GRID1: variants seen among roughly 807,000 people sequenced by gnomAD.
The protein encoded by GRID1 is glutamate ionotropic receptor delta type subunit 1.
A neutral mutation model predicts 98.0 loss-of-function variants in GRID1; 28 were observed. That is an observed-to-expected ratio of 0.29 (90% CI 0.21 to 0.39). GRID1 has a LOEUF of 0.39. GRID1 is among the 10% of genes least tolerant of loss of function. GRID1 has a pLI of 1.00. For missense variants in GRID1, 1,111 were observed against 1,340.5 expected (o/e 0.83, Z 2.67); for synonymous variants, 553 against 538.5 (o/e 1.03, Z -0.37).
chr10:86,105,170 A>G (rs1222721023), intron 4 of GRID1, among the ~76,000 whole-genome samples: 1 of 152,200 alleles, frequency 6.6e-6, no homozygotes, highest in Admixed American at 6.5e-5. Context: ...TTAACGAGCC[A>G]TGTTTTCTCA....
intron 12 of GRID1, among the ~76,000 whole-genome samples, chr10:85,668,069 T>C (rs964566277): frequency 2.6e-5 from 4 of 152,184 alleles, no homozygotes; most frequent in Admixed American, 6.5e-5. Context: ...TGGCTGTTGT[T>C]ATTATGAGAT....
At chr10:85,688,224 C>A (rs1841290778) in intron 12 of GRID1, among the ~76,000 whole-genome samples, 1 of 152,206 alleles carries the variant, frequency 6.6e-6, no homozygotes, top group Non-Finnish European at 1.5e-5. Flanking sequence ...TGAAGGCAGG[C>A]AAGGCTGTCA....
chr10:86,018,872 A>C (rs1843013118), intron 4 of GRID1, among the ~76,000 whole-genome samples: 1 of 152,166 alleles, frequency 6.6e-6, no homozygotes, highest in Non-Finnish European at 1.5e-5. Context: ...TTTTCTCATG[A>C]TGCAACCAAA....
At chr10:86,088,947 C>A (rs774880256) in intron 4 of GRID1, among the ~76,000 whole-genome samples, 1 of 151,914 alleles carries the variant, frequency 6.6e-6, no homozygotes, top group Non-Finnish European at 1.5e-5. Flanking sequence ...AGCCAAAGGT[C>A]CAGGAAAGGG....
rs529332202 is a variant in GRID1, at chr10:85,720,577, C to A, written c.1997+2426G>T. ...AAGCAATTCCATGGAGGACGGATAGCCTTTTCAACAAATAGTATTAAAGCT... is the reference window on the plus strand; with the variant it reads ...AAGCAATTCCATGGAGGACGGATAGACTTTTCAACAAATAGTATTAAAGCT... On this transcript the variant is annotated intron_variant, in intron 12 of 15. Coordinates refer to ENST00000327946, the MANE Select transcript of GRID1 (RefSeq NM_017551.3). Among the ~76,000 whole-genome samples, 3 of 150,370 alleles carry A rather than the reference C, an allele frequency of 2.0e-5. No individual in the cohort carries two copies. In the Middle Eastern group the frequency reaches 0.01, roughly 515 times the overall value.
chr10:85,760,956 G>A (rs1842141960), intron 8 of GRID1, among the ~76,000 whole-genome samples: 1 of 152,158 alleles, frequency 6.6e-6, no homozygotes, highest in Admixed American at 6.5e-5. Flanking sequence ...TCACACCCAT[G>A]AGCTGTGGCT....
chr10:85,908,698 C>T (rs1841495311), intron 5 of GRID1, among the ~76,000 whole-genome samples: 1 of 151,994 alleles, frequency 6.6e-6, no homozygotes, highest in African/African-American at 2.4e-5. Flanking sequence ...TAAATGTATA[C>T]AAAAATTTCA....
intron 15 of GRID1, chr10:85,612,993 A>C: frequency 6.0e-6 from 1 of 166,294 alleles, no homozygotes; most frequent in Non-Finnish European, 1.3e-5. Context: ...CTGGGAGAGC[A>C]GCGCCCTGTG....
intron 12 of GRID1, among the ~76,000 whole-genome samples, chr10:85,669,492 A>G (rs1841061300): frequency 6.6e-6 from 1 of 152,224 alleles, no homozygotes; most frequent in African/African-American, 2.4e-5. Flanking sequence ...AAATACGTCT[A>G]CAGAGAGTGG....
chr10:85,628,091 C>G (rs149337764), intron 13 of GRID1, among the ~76,000 whole-genome samples: 1 of 150,866 alleles, frequency 6.6e-6, no homozygotes, highest in Non-Finnish European at 1.5e-5. Flanking sequence ...ATAGATGTGT[C>G]CATGTGGATG....
chr10:86,222,910 C>A (rs544588309), intron 2 of GRID1, among the ~76,000 whole-genome samples: 1 of 152,262 alleles, frequency 6.6e-6, no homozygotes, highest in East Asian at 1.9e-4. Context: ...CAAAACAGCA[C>A]CGTCACCCCC....
rs17105905 is a variant in GRID1 at position 85,850,585 on chromosome 10, A to T, written c.1233+3911T>A. On this transcript the variant is annotated intron_variant, in intron 8 of 15. Coordinates refer to ENST00000327946, the MANE Select transcript of GRID1 (RefSeq NM_017551.3). ...CTCCCATCTCTGGCCTTGGCTTTGG[A>T]GCTATAGTCTAGGGCACTGTCAGGC... Among the ~76,000 whole-genome samples the T allele has an allele frequency of 3.8e-3, 571 of 152,248 alleles. 11 individuals carry two copies. In the East Asian group the frequency reaches 0.051, roughly 14 times the overall value.
chr10:85,928,664 G>A (rs755840276), intron 4 of GRID1, among the ~76,000 whole-genome samples: 1 of 152,160 alleles, frequency 6.6e-6, no homozygotes, highest in African/African-American at 2.4e-5. Flanking sequence ...CAAGCCCCAG[G>A]GATGTATTTT....
chr10:85,995,895 C>T (rs931834455), intron 4 of GRID1, among the ~76,000 whole-genome samples: 1 of 152,218 alleles, frequency 6.6e-6, no homozygotes, highest in African/African-American at 2.4e-5. Flanking sequence ...TCCTGAGCTG[C>T]TCATACGTGG....
chr10:86,179,073 C>T (rs986338642), intron 3 of GRID1, among the ~76,000 whole-genome samples: 11 of 152,092 alleles, frequency 7.2e-5, no homozygotes, highest in Admixed American at 7.2e-4. Flanking sequence ...GGTCATCAGA[C>T]CAAAGGTGTT....
intron 2 of GRID1, among the ~76,000 whole-genome samples, chr10:86,245,121 A>G (rs1846702681): frequency 6.6e-6 from 1 of 152,242 alleles, no homozygotes; most frequent in South Asian, 2.1e-4. Flanking sequence ...GGCCTGGTAC[A>G]GAGCCTGGGG....
chr10:86,134,619 C>T (rs1349643700), intron 4 of GRID1, among the ~76,000 whole-genome samples: 1 of 152,160 alleles, frequency 6.6e-6, no homozygotes, highest in East Asian at 1.9e-4. Context: ...GACATCCCAG[C>T]CTCAGCTCCA....
chr10:85,812,043 T>G (rs1055965979), intron 8 of GRID1, among the ~76,000 whole-genome samples: 1 of 152,162 alleles, frequency 6.6e-6, no homozygotes, highest in African/African-American at 2.4e-5. Context: ...AAGAATGGAA[T>G]AATTTATAGA....
intron 3 of GRID1, among the ~76,000 whole-genome samples, chr10:86,143,479 C>A (rs187315850): frequency 6.6e-6 from 1 of 152,198 alleles, no homozygotes; most frequent in African/African-American, 2.4e-5. Context: ...GGACTTCCCC[C>A]ACTGGGCCAC....
Sources: gnomAD v4.1 joint callset for allele counts (sites outside exome capture counted in the v4.1 genomes callset) on GRCh38, gnomAD v4.1.1 for gene constraint, MANE v1.5 for transcripts, NCBI Gene and HGNC (gene_info 2026-07-23, HGNC 2026-07-21) for gene names.